Variants in MCF2L observed in about 807,000 individuals in gnomAD.
MCF2L encodes the protein MCF.2 cell line derived transforming sequence like.
Under a neutral mutation model 153.4 loss-of-function variants are expected in MCF2L, and 97 were observed. That is an observed-to-expected ratio of 0.63 (90% CI 0.54 to 0.75). The LOEUF is 0.75. Ranked by LOEUF, MCF2L falls within the 30% of genes least tolerant of loss-of-function variation. MCF2L has a pLI of 0.00. For synonymous variants in MCF2L, 659 were observed against 632.2 expected, an observed-to-expected ratio of 1.04 and a Z score of -0.64; for missense variants, 1,347 against 1,495.2, an observed-to-expected ratio of 0.90 and a Z score of 1.64.
intron 2 of MCF2L, chr13:112,957,209 C>T (rs117397042): frequency 1.3e-5 from 2 of 152,344 alleles, no homozygotes; most frequent in African/African-American, 4.8e-5. Context: ...ACAGTACGCT[C>T]AGCTCAGCAG....
intron 2 of MCF2L, among the ~76,000 whole-genome samples, chr13:112,952,167 G>T (rs2081701083): frequency 6.6e-6 from 1 of 152,232 alleles, no homozygotes; most frequent in Admixed American, 6.5e-5. Context: ...TAAGTTAACA[G>T]TTCTAAGGTT....
chr13:113,048,502 G>A (rs986918994), intron 4 of MCF2L, among the ~76,000 whole-genome samples: 9 of 124,252 alleles, frequency 7.2e-5, no homozygotes, highest in Admixed American at 3.2e-4. Context: ...CTGCAGTGGC[G>A]CGATCTCAGC....
chr13:112,903,309 T>C (rs951608206), intron 2 of MCF2L, among the ~76,000 whole-genome samples: 3 of 152,088 alleles, frequency 2.0e-5, no homozygotes, highest in African/African-American at 7.2e-5. Flanking sequence ...ATTAGTGGAG[T>C]CTTGGGAGTT....
intron 1 of MCF2L, among the ~76,000 whole-genome samples, chr13:113,006,266 C>A (rs1458219267): frequency 6.6e-6 from 1 of 152,214 alleles, no homozygotes; most frequent in Non-Finnish European, 1.5e-5. Context: ...TCAGTCCTGG[C>A]ACTGCCTGCC....
At chr13:112,985,314 C>A in intron 1 of MCF2L, 1 of 446,246 alleles carries the variant, frequency 2.2e-6, no homozygotes, top group Non-Finnish European at 4.6e-6. Flanking sequence ...ATAGAAAGGT[C>A]CTGTTACAAG....
rs117294167 is a variant in MCF2L, at chr13:112,973,611, G to A, written c.79+4153G>A. 9.5e-4 allele frequency among the ~76,000 whole-genome samples: 144 copies of A among 152,348 alleles called. No individual in the cohort carries two copies. In the East Asian group the frequency reaches 0.026, roughly 28 times the overall value. On this transcript the variant is annotated intron_variant, in intron 1 of 29. Coordinates refer to ENST00000535094, the MANE Select transcript of MCF2L (RefSeq NM_001112732.3). ...AACGCAGCGCTCAGGCCTCCCAGCT[G>A]GGTGAGTCTGACGCCCTCCATGCGA...
chr13:113,087,597 C>A, intron 22 of MCF2L, 110 bp from the exon 23 acceptor site: 4 of 1,143,874 alleles, frequency 3.5e-6, no homozygotes, highest in South Asian at 1.4e-5. Context: ...CCATTCTTAG[C>A]CCTCACCCCC....
chr13:113,055,613 G>T (rs960629602), intron 4 of MCF2L, among the ~76,000 whole-genome samples: 2 of 152,162 alleles, frequency 1.3e-5, no homozygotes, highest in African/African-American at 4.8e-5. Context: ...TTTTCAGTCC[G>T]CCCCTTGCTG....
intron 2 of MCF2L, among the ~76,000 whole-genome samples, chr13:112,952,454 A>G (rs551252556): frequency 6.6e-6 from 1 of 152,206 alleles, no homozygotes; most frequent in East Asian, 1.9e-4. Flanking sequence ...TCTAAAGGAG[A>G]GGTGAGGAGG....
At chr13:113,050,231 TGTGA>T (rs1371515002) in intron 4 of MCF2L, among the ~76,000 whole-genome samples, 14 of 151,214 alleles carry the variant, frequency 9.3e-5, no homozygotes, top group South Asian at 2.1e-4. Context: ...TGTGTGAGTG[TGTGA>T]GTGTGTGCGC....
intron 3 of MCF2L, among the ~76,000 whole-genome samples, chr13:113,029,009 G>A (rs768992396): frequency 1.3e-5 from 2 of 152,072 alleles, no homozygotes; most frequent in South Asian, 2.1e-4. Context: ...GTGTGTGAGC[G>A]TGAGTGTATG....
Position 113,082,444 on chromosome 13 carries a change from G to A in MCF2L, c.1893G>A (p.Met631Ile). Residue 631 changes from methionine to isoleucine, a missense_variant, in exon 17 of 30, where the codon ATG becomes ATA. Met to Ile is a conservative substitution (Grantham distance 10). Around this residue, in one of 3 missense-constraint regions of MCF2L, gnomAD observed 820 missense variants for 921.2 expected, o/e 0.89. Transcript: ENST00000535094. ...CCCTGCAGGGCTACGCCGCGGAGAT[G>A]GATAACCCACTGATGGCTCACCTCC... The part of the protein sequence containing the change: ...LCVLEGYAAE[M>I]DNPLMAHLLS... 1 of 1,613,676 alleles carries A rather than the reference G, an allele frequency of 6.2e-7. No homozygotes were observed. Among genetic ancestry groups the A allele is most frequent in the Non-Finnish European group, 8.5e-7 (1 of 1,179,632 alleles).
chr13:113,088,478 C>T, intron 24 of MCF2L, 73 bp downstream of exon 24: 1 of 1,605,398 alleles, frequency 6.2e-7, no homozygotes, highest in Non-Finnish European at 8.5e-7. Context: ...TTCAGAGCAA[C>T]CGCACAGTCC....
At chr13:112,984,266 C>T (rs975904541) in intron 1 of MCF2L, among the ~76,000 whole-genome samples, 3 of 151,380 alleles carry the variant, frequency 2.0e-5, no homozygotes, top group Admixed American at 6.6e-5. Context: ...GATGGAGTCT[C>T]GCTCTGTCAC....
chr13:113,044,280 C>T (rs762654190), intron 3 of MCF2L: 16 of 309,822 alleles, frequency 5.2e-5, no homozygotes, highest in Non-Finnish European at 8.9e-5. Context: ...GCACCCACCA[C>T]ACATGAACGT....
chr13:112,897,555 G>A (rs1206056628), intron 1 of MCF2L, among the ~76,000 whole-genome samples: 2 of 152,262 alleles, frequency 1.3e-5, no homozygotes, highest in East Asian at 1.9e-4. Context: ...GTAAGTCCCT[G>A]TTGGGGGCCA....
chr13:112,999,161 G>T (rs984014601), intron 1 of MCF2L, among the ~76,000 whole-genome samples: 3 of 152,208 alleles, frequency 2.0e-5, no homozygotes, highest in African/African-American at 7.2e-5. Flanking sequence ...GTCCTCCCCG[G>T]CTTGGGGCCA....
chr13:112,968,559 G>C, upstream of MCF2L: 4 of 1,546,124 alleles, frequency 2.6e-6, no homozygotes, highest in Non-Finnish European at 3.5e-6. Context: ...GGAGGGGCTG[G>C]TCCATCCCCG....
At chr13:113,058,611 A>G (rs1412691401) in intron 4 of MCF2L, among the ~76,000 whole-genome samples, 30 of 103,958 alleles carry the variant, frequency 2.9e-4, no homozygotes, top group Middle Eastern at 0.018. Context: ...CTGAGTGTTT[A>G]GTTGCTGTGT....
Sources: allele counts gnomAD v4.1 joint callset (sites outside exome capture counted in the v4.1 genomes callset), GRCh38; gene constraint gnomAD v4.1.1; regional missense constraint gnomAD v4.1.1; transcripts MANE v1.5; gene names NCBI Gene and HGNC (gene_info 2026-07-23, HGNC 2026-07-21).